Variants in KCTD20 observed in about 807,000 individuals in gnomAD.
KCTD20 encodes potassium channel tetramerization domain containing 20, also known as BTB/POZ domain-containing protein KCTD20.
KCTD20 carries 30 observed loss-of-function variants against 39.6 expected under a neutral mutation model. The observed-to-expected ratio is 0.76, with a 90% CI of 0.57 to 1.03. KCTD20 has a LOEUF of 1.03. KCTD20 is among the 50% of genes least tolerant of loss of function. The probability of loss-of-function intolerance (pLI) is 0.00; values close to 1 mark genes in which losing one functional copy is unlikely to be tolerated. For synonymous variants in KCTD20, 162 were observed against 180.6 expected (o/e 0.90, Z 0.83); for missense variants, 422 against 522.0 (o/e 0.81, Z 1.87).
intron 5 of KCTD20, 46 bp from the exon 6 acceptor site, chr6:36,481,516 G>A (rs1418143865): frequency 2.2e-6 from 3 of 1,389,818 alleles, no homozygotes; most frequent in African/African-American, 1.4e-5. Flanking sequence ...CCAGTAATAT[G>A]TGCATTTAGG....
At chr6:36,446,278 T>C (rs927144147) in intron 1 of KCTD20, among the ~76,000 whole-genome samples, 1 of 152,134 alleles carries the variant, frequency 6.6e-6, no homozygotes, top group East Asian at 1.9e-4. Flanking sequence ...TCCGCCCACC[T>C]GGGACTCCCA....
At chr6:36,446,024 G>GTTTTTTT (rs553882182) in intron 1 of KCTD20, among the ~76,000 whole-genome samples, 67,636 of 126,292 alleles carry the variant, frequency 0.54, 19,865 homozygotes, top group Middle Eastern at 0.77. Flanking sequence ...TATGAACTCA[G>GTTTTTTT]TTTTTTTTTT....
At position 36,479,676 on chromosome 6, in the gene KCTD20, A is replaced by C; in HGVS notation, c.623A>C (p.Asn208Thr). The change falls in exon 5 of 8, where the codon AAT (asparagine) becomes ACT (threonine). Residue 208 changes from asparagine (N) to threonine (T), a missense_variant. Coordinates refer to ENST00000373731, the MANE Select transcript of KCTD20 (RefSeq NM_173562.5). ...GATACTTGTGATTATCTCTGCATTA[A>C]TTTTGACTTCAACACTATCCGATGT... ...LRDTCDYLCINFDFNTIRCQD... is the reference protein window; with the variant it reads ...LRDTCDYLCITFDFNTIRCQD... 6.2e-7 allele frequency: 1 copy of C among 1,610,352 alleles called. No individual in the cohort carries two copies. The highest frequency in any genetic ancestry group is 8.5e-7 in the Non-Finnish European group (1 of 1,178,792).
At chr6:36,445,799 A>G (rs1340001657) in intron 1 of KCTD20, among the ~76,000 whole-genome samples, 1 of 152,218 alleles carries the variant, frequency 6.6e-6, no homozygotes, top group East Asian at 1.9e-4. Context: ...CAGAGAAATT[A>G]TAAGTAGATG....
intron 1 of KCTD20, among the ~76,000 whole-genome samples, chr6:36,463,504 A>G (rs1775658499): frequency 6.6e-6 from 1 of 152,250 alleles, no homozygotes; most frequent in African/African-American, 2.4e-5. Context: ...AAGATAAACT[A>G]ACAAAACCAA....
At chr6:36,467,364 A>G (rs1582337261) in intron 1 of KCTD20, among the ~76,000 whole-genome samples, 1 of 67,444 alleles carries the variant, frequency 1.5e-5, no homozygotes, top group Non-Finnish European at 2.5e-5. Flanking sequence ...TTTGAGACGG[A>G]GTTTCGCACT....
intron 7 of KCTD20, among the ~76,000 whole-genome samples, chr6:36,486,446 A>T (rs2071811): frequency 0.24 from 35,906 of 151,718 alleles, 4,487 homozygotes; most frequent in East Asian, 0.39. Flanking sequence ...TTTAGGCAGC[A>T]TCTCTGTTTT....
chr6:36,486,955 A>AACGCCCC lies in KCTD20; in HGVS notation c.1041_1047dup (p.Phe350ThrfsTer37). Reference sequence around the variant, plus strand: ...TCTGAAGTCATCTATAATTATGTACAACGCCCCTTCATCCAGATGTCATGG... The same window carrying AACGCCCC: ...TCTGAAGTCATCTATAATTATGTACAACGCCCCACGCCCCTTCATCCAGATGTCATGG... On this transcript the variant is annotated frameshift_variant, in exon 8 of 8. Coordinates refer to ENST00000373731, the MANE Select transcript of KCTD20 (RefSeq NM_173562.5). LOFTEE classifies it high-confidence loss of function. The AACGCCCC allele has an allele frequency of 6.2e-7, 1 of 1,614,214 alleles. No homozygotes were observed. Among genetic ancestry groups the AACGCCCC allele is most frequent in the Non-Finnish European group, 8.5e-7 (1 of 1,180,020 alleles).
chr6:36,477,095 C>T (rs1048509698), intron 3 of KCTD20, among the ~76,000 whole-genome samples: 2 of 152,084 alleles, frequency 1.3e-5, no homozygotes, highest in Non-Finnish European at 2.9e-5. Flanking sequence ...TTGGCAAGGT[C>T]GTAAATTCTG....
rs189716150 is a variant in KCTD20 at position 36,453,752 on chromosome 6, C to T, written c.-47+10641C>T. ...CTCAAACTCCTGACCTCAGGTGATC[C>T]GCCCGCCTTGGCCTCCCAAAGTGCT... On this transcript the variant is annotated intron_variant, in intron 1 of 7. Transcript: ENST00000373731. 3.0e-3 allele frequency among the ~76,000 whole-genome samples: 455 copies of T among 152,170 alleles called. 1 individual carries two copies. The highest frequency in any genetic ancestry group is 0.01 in the African/African-American group (426 of 41,516).
chr6:36,474,722 C>A, intron 2 of KCTD20, 67 bp from the exon 3 acceptor site: 1 of 1,383,292 alleles, frequency 7.2e-7, no homozygotes, highest in Non-Finnish European at 9.7e-7. Flanking sequence ...TTAAAGAAGA[C>A]AGGGTTTATT....
In KCTD20 at chr6:36,479,757, TCA is replaced by T. The variant is rs752455796; in HGVS notation, c.658+47_658+48del. The T allele has an allele frequency of 7.1e-6, 10 of 1,413,436 alleles. No individual in the cohort carries two copies. In the Admixed American group the frequency reaches 1.7e-4, roughly 25 times the overall value. The allele number at this position is 1,413,436 out of a possible 1,614,324, so 87.6% of individuals were successfully genotyped here. On this transcript the variant is annotated intron_variant, in intron 5 of 7. Coordinates refer to ENST00000373731, the MANE Select transcript of KCTD20 (RefSeq NM_173562.5). ...CAGCTGCACTTAAGCAGCTGAACTTTCAGTTTTCTTGGAAGTCACCGATTTTT... is the reference window on the plus strand; with the variant it reads ...CAGCTGCACTTAAGCAGCTGAACTTTGTTTTCTTGGAAGTCACCGATTTTT...
At chr6:36,443,785 G>T (rs543882349) in intron 1 of KCTD20, 13 of 152,304 alleles carry the variant, frequency 8.5e-5, no homozygotes, top group African/African-American at 3.1e-4. Flanking sequence ...TTTGGAGTTT[G>T]TGATTCTTTC....
chr6:36,465,962 G>A (rs1216070808), intron 1 of KCTD20, among the ~76,000 whole-genome samples: 3 of 152,104 alleles, frequency 2.0e-5, no homozygotes, highest in Non-Finnish European at 4.4e-5. Context: ...GCTATAACAG[G>A]GTGGTGAACC....
chr6:36,454,086 C>T (rs1775351858), intron 1 of KCTD20, among the ~76,000 whole-genome samples: 1 of 152,102 alleles, frequency 6.6e-6, no homozygotes, highest in Non-Finnish European at 1.5e-5. Flanking sequence ...ACTATGTAGC[C>T]TGAATGTGGT....
Position 36,487,123 on chromosome 6 carries a change from A to G in KCTD20, c.1208A>G (p.Asp403Gly). Residue 403 changes from aspartate (D) to glycine (G), a missense_variant, in exon 8 of 8, where the codon GAC becomes GGC. Asp to Gly is a moderately conservative substitution (Grantham distance 94). Transcript: ENST00000373731. The stretch of plus-strand genomic sequence containing the variant: ...CACCCACCCCAAGTGGATGAACTTG[A>G]CCGGCTAAATGCCCCACTTTCTCAG... ...MHHPPQVDEL[D>G]RLNAPLSQMA... 1 of 1,614,170 alleles carries G rather than the reference A, an allele frequency of 6.2e-7. No individual in the cohort carries two copies. Among genetic ancestry groups the G allele is most frequent in the Non-Finnish European group, 8.5e-7 (1 of 1,179,998 alleles).
At chr6:36,477,044 G>GGA (rs899222519) in intron 3 of KCTD20, among the ~76,000 whole-genome samples, 2 of 152,194 alleles carry the variant, frequency 1.3e-5, no homozygotes, top group Non-Finnish European at 2.9e-5. Context: ...CCCATGAAGA[G>GGA]GAGAGTCTGG....
intron 1 of KCTD20, among the ~76,000 whole-genome samples, chr6:36,450,654 C>T (rs1561942293): frequency 6.6e-6 from 1 of 152,058 alleles, no homozygotes; most frequent in Non-Finnish European, 1.5e-5. Flanking sequence ...GCATATTATG[C>T]CTCTGTATAA....
At chr6:36,449,861 G>GT (rs1157607986) in intron 1 of KCTD20, among the ~76,000 whole-genome samples, 1 of 152,128 alleles carries the variant, frequency 6.6e-6, no homozygotes, top group Non-Finnish European at 1.5e-5. Flanking sequence ...CCGACAATCT[G>GT]TTTAAGAAGT....
Sources: gnomAD v4.1 joint callset for allele counts (sites outside exome capture counted in the v4.1 genomes callset) on GRCh38, gnomAD v4.1.1 for gene constraint, MANE v1.5 for transcripts, NCBI Gene and HGNC (gene_info 2026-07-23, HGNC 2026-07-21) for gene names.